The following RASSF9 variants were observed in gnomAD, a reference collection of about 807,000 sequenced individuals.
RASSF9 encodes ras association domain-containing protein 9.
In RASSF9, 18 loss-of-function variants were observed where a neutral mutation model predicts 21.4. The ratio of observed to expected loss-of-function variants is 0.84; its 90% CI spans 0.58 to 1.25. The LOEUF is 1.25. Among genes scored for constraint, RASSF9 ranks in the 50% most tolerant of loss-of-function variants. RASSF9 has a pLI of 0.00. For missense variants in RASSF9, 480 were observed against 503.2 expected (o/e 0.95, Z 0.44); for synonymous variants, 183 against 179.1 (o/e 1.02, Z -0.18).
At chr12:85,829,556 G>C (rs1880405898) in intron 1 of RASSF9, among the ~76,000 whole-genome samples, 1 of 151,912 alleles carries the variant, frequency 6.6e-6, no homozygotes, top group African/African-American at 2.4e-5. Context: ...CTTTTCTTTT[G>C]ATTATCATAT....
rs1301317279 is a variant in RASSF9 at position 85,802,688 on chromosome 12, AAAGAT to A, written c.*2009_*2013del. 3.3e-5 allele frequency: 5 copies of A among 152,166 alleles called. No individual in the cohort carries two copies. Among genetic ancestry groups the A allele is most frequent in the Admixed American group, 1.3e-4 (2 of 15,276 alleles). 9.4% of individuals were successfully genotyped at this position (152,166 alleles called of 1,614,324 possible). On this transcript the variant is annotated 3_prime_UTR_variant, in exon 2 of 2. Coordinates refer to ENST00000361228, the MANE Select transcript of RASSF9 (RefSeq NM_005447.4). ...CATGTTCTTTCAGTATTTTCTCACTAAAGATAAGAATAATTCAAAGAGATGACTTC... is the reference window on the plus strand; with the variant it reads ...CATGTTCTTTCAGTATTTTCTCACTAAAGAATAATTCAAAGAGATGACTTC...
intron 1 of RASSF9, among the ~76,000 whole-genome samples, chr12:85,818,627 C>T (rs902736968): frequency 6.6e-6 from 1 of 152,156 alleles, no homozygotes; most frequent in Admixed American, 6.5e-5. Flanking sequence ...AGTGGCTCAT[C>T]ATACACAGTC....
At chr12:85,825,650 A>G (rs564564472) in intron 1 of RASSF9, among the ~76,000 whole-genome samples, 4 of 152,268 alleles carry the variant, frequency 2.6e-5, no homozygotes, top group African/African-American at 9.6e-5. Flanking sequence ...CTCTTGTCCT[A>G]GATAATTTGG....
At chr12:85,832,093 G>A (rs564259193) in intron 1 of RASSF9, among the ~76,000 whole-genome samples, 3 of 152,032 alleles carry the variant, frequency 2.0e-5, no homozygotes, top group African/African-American at 7.2e-5. Flanking sequence ...TACGTTTTGT[G>A]AAAGCCGAAG....
intron 1 of RASSF9, among the ~76,000 whole-genome samples, chr12:85,815,463 G>A (rs1388832725): frequency 1.3e-5 from 2 of 152,014 alleles, no homozygotes; most frequent in Non-Finnish European, 2.9e-5. Flanking sequence ...ACCCAGTAAT[G>A]GGATTGCTGA....
chr12:85,809,616 A>T (rs1879907131), intron 1 of RASSF9, among the ~76,000 whole-genome samples: 1 of 151,840 alleles, frequency 6.6e-6, no homozygotes, highest in African/African-American at 2.4e-5. Flanking sequence ...TAGAGCTCTG[A>T]AGGAGACTCA....
At chr12:85,813,267 A>G (rs1879989176) in intron 1 of RASSF9, among the ~76,000 whole-genome samples, 1 of 151,910 alleles carries the variant, frequency 6.6e-6, no homozygotes, top group African/African-American at 2.4e-5. Context: ...AACTTTTTAC[A>G]TTGACTCTAT....
At chr12:85,815,177 A>G (rs1306801866) in intron 1 of RASSF9, among the ~76,000 whole-genome samples, 5 of 151,278 alleles carry the variant, frequency 3.3e-5, no homozygotes, top group South Asian at 4.1e-4. Context: ...GAGAGAGAGA[A>G]AAAAAAACCA....
chr12:85,813,642 AAATC>A (rs1879999564), intron 1 of RASSF9, among the ~76,000 whole-genome samples: 1 of 151,934 alleles, frequency 6.6e-6, no homozygotes, highest in South Asian at 2.1e-4. Flanking sequence ...GGGGTCTGGA[AAATC>A]AATCAAAGAG....
chr12:85,818,944 G>A (rs970796082), intron 1 of RASSF9, among the ~76,000 whole-genome samples: 2 of 132,728 alleles, frequency 1.5e-5, no homozygotes, highest in Non-Finnish European at 3.1e-5. Flanking sequence ...GGGCGAGAGA[G>A]CGAGACTCCG....
intron 1 of RASSF9, among the ~76,000 whole-genome samples, chr12:85,823,218 A>G (rs1880255612): frequency 6.7e-6 from 1 of 149,984 alleles, no homozygotes; most frequent in Admixed American, 6.6e-5. Context: ...AAAAAAAAAA[A>G]TGTCTACTGC....
intron 1 of RASSF9, among the ~76,000 whole-genome samples, chr12:85,823,586 T>G (rs572469796): frequency 3.9e-5 from 6 of 152,214 alleles, no homozygotes; most frequent in Non-Finnish European, 7.3e-5. Flanking sequence ...GAATAGACCT[T>G]GGAACTTGCT....
intron 1 of RASSF9, among the ~76,000 whole-genome samples, chr12:85,812,559 T>C (rs942837483): frequency 1.3e-5 from 2 of 151,292 alleles, no homozygotes; most frequent in Non-Finnish European, 3.0e-5. Flanking sequence ...TCTTAGTTTT[T>C]ACTATCAGAT....
At chr12:85,830,499 T>C (rs2136564070) in intron 1 of RASSF9, among the ~76,000 whole-genome samples, 1 of 152,246 alleles carries the variant, frequency 6.6e-6, no homozygotes, top group East Asian at 1.9e-4. Flanking sequence ...GCACTTACTC[T>C]CTGGCTATCT....
At chr12:85,810,399 G>A (rs571605216) in intron 1 of RASSF9, among the ~76,000 whole-genome samples, 3 of 151,798 alleles carry the variant, frequency 2.0e-5, no homozygotes, top group South Asian at 4.1e-4. Flanking sequence ...TGGTTCTAGC[G>A]CTAAATTCCT....
intron 1 of RASSF9, among the ~76,000 whole-genome samples, chr12:85,823,981 C>A (rs1175595661): frequency 6.6e-6 from 1 of 152,176 alleles, no homozygotes; most frequent in Non-Finnish European, 1.5e-5. Context: ...TGACTCATTT[C>A]TTGTCTCACT....
At chr12:85,833,459 T>C (rs1880495336) in intron 1 of RASSF9, among the ~76,000 whole-genome samples, 1 of 151,932 alleles carries the variant, frequency 6.6e-6, no homozygotes, top group Admixed American at 6.6e-5. Flanking sequence ...CCTCATACTT[T>C]GAAGTTTTAA....
intron 1 of RASSF9, among the ~76,000 whole-genome samples, chr12:85,816,389 A>G (rs1026666718): frequency 6.6e-6 from 1 of 152,036 alleles, no homozygotes; most frequent in African/African-American, 2.4e-5. Context: ...TCATAGCCTG[A>G]TGTTTTTCAT....
At chr12:85,829,253 G>A (rs1357253477) in intron 1 of RASSF9, among the ~76,000 whole-genome samples, 2 of 152,072 alleles carry the variant, frequency 1.3e-5, no homozygotes, top group Non-Finnish European at 2.9e-5. Flanking sequence ...CATAATTAAT[G>A]AGCCTGAAAA....
Sources: gnomAD v4.1 joint callset for allele counts (sites outside exome capture counted in the v4.1 genomes callset) on GRCh38, gnomAD v4.1.1 for gene constraint, MANE v1.5 for transcripts, NCBI Gene and HGNC (gene_info 2026-07-23, HGNC 2026-07-21) for gene names.